Variants in ATRIP observed in about 807,000 individuals in gnomAD.
ATRIP encodes ATR-interacting protein.
Under a neutral mutation model 78.1 loss-of-function variants are expected in ATRIP, and 44 were observed. The ratio of observed to expected loss-of-function variants is 0.56; its 90% CI spans 0.44 to 0.72. ATRIP has a LOEUF of 0.72. Among genes scored for constraint, ATRIP ranks in the 30% least tolerant of loss-of-function variants. ATRIP has a pLI of 0.00. For missense variants in ATRIP, 927 were observed against 980.2 expected, an observed-to-expected ratio of 0.95 and a Z score of 0.72; for synonymous variants, 388 against 408.9, an observed-to-expected ratio of 0.95 and a Z score of 0.62.
chr3:48,466,309 G>C lies in ATRIP; in HGVS notation c.*755G>C, dbSNP rs1026759103. On this transcript the variant is annotated 3_prime_UTR_variant, in exon 13 of 13. Transcript: ENST00000320211. ...TACTGCCTGCCTGCCTGCCTGCTAC[G>C]GTGAGTGTGGCCCCCACAATGGGAT... 7.9e-6 allele frequency: 6 copies of C among 755,638 alleles called. No individual in the cohort carries two copies. Among genetic ancestry groups the C allele is most frequent in the Non-Finnish European group, 1.4e-5 (6 of 440,840 alleles). 46.8% of individuals were successfully genotyped at this position (755,638 alleles called of 1,614,324 possible). A position where few individuals can be genotyped will look rare whatever the true frequency, so the allele number is the denominator to read the frequency against.
At chr3:48,452,825 C>T (rs924246903) in intron 3 of ATRIP, among the ~76,000 whole-genome samples, 3 of 151,304 alleles carry the variant, frequency 2.0e-5, no homozygotes, top group Non-Finnish European at 2.9e-5. Context: ...AAAAAAATGA[C>T]AGCTCCCATT....
In ATRIP at chr3:48,464,095, T is replaced by C; in HGVS notation, c.1937T>C (p.Val646Ala). The stretch of plus-strand genomic sequence containing the variant: ...TACATCACATCACGGCCTGACAGAG[T>C]GGCCTTGGAGACACAATGGCTCCAG... ...YMYITSRPDR[V>A]ALETQWLQLE... Residue 646 changes from valine (V) to alanine (A), a missense_variant, in exon 10 of 13, where the codon GTG (valine) becomes GCG (alanine). Coordinates refer to ENST00000320211, the MANE Select transcript of ATRIP (RefSeq NM_130384.3). 6.2e-7 allele frequency: 1 copy of C among 1,613,762 alleles called. No individual in the cohort carries two copies. The highest frequency in any genetic ancestry group is 2.2e-5 in the East Asian group (1 of 44,882).
rs140029866 is a variant in ATRIP, at chr3:48,466,663, C to T, written c.*1109C>T. 1.4e-5 allele frequency: 22 copies of T among 1,613,922 alleles called. No homozygotes were observed. In the African/African-American group the frequency reaches 1.7e-4, roughly 13 times the overall value. ...GCAGGTACGTACCCAACCATGGGCT[C>T]GCAGGCCCTGCCCCCGGGGCCCATG... On this transcript the variant is annotated 3_prime_UTR_variant, in exon 13 of 13. Transcript: ENST00000320211.
At position 48,466,576 on chromosome 3, in the gene ATRIP, C is replaced by T. The variant is rs775503884; in HGVS notation, c.*1022C>T. 1.3e-5 allele frequency: 21 copies of T among 1,613,880 alleles called. No homozygotes were observed. The highest frequency in any genetic ancestry group is 1.7e-5 in the Non-Finnish European group (20 of 1,179,994). On this transcript the variant is annotated 3_prime_UTR_variant, in exon 13 of 13. Transcript: ENST00000320211. ...TGCCCACCCCCTACCCCACTCCCTC[C>T]CCTTCGGATCTTAACACTGGGCACT...
At position 48,447,080 on chromosome 3, in the gene ATRIP, C is replaced by A; in HGVS notation, c.235C>A (p.Arg79=). 1 of 1,558,260 alleles carries A rather than the reference C, an allele frequency of 6.4e-7. No homozygotes were observed. Among genetic ancestry groups the A allele is most frequent in the Non-Finnish European group, 8.7e-7 (1 of 1,155,238 alleles). Residue 79 remains arginine, a synonymous_variant, in exon 1 of 13, where the codon CGG becomes AGG. Transcript: ENST00000320211. ...CCTGAGCCAATGTCCGGCCGCGGCTCGGGACGTGTCCAGTGAGTGCTCCTC... is the reference window on the plus strand; with the variant it reads ...CCTGAGCCAATGTCCGGCCGCGGCTAGGGACGTGTCCAGTGAGTGCTCCTC... ...QALSQCPAAA[R]DVSSDHKVHR...
intron 8 of ATRIP, among the ~76,000 whole-genome samples, chr3:48,462,940 G>A (rs1433352687): frequency 2.6e-5 from 4 of 152,172 alleles, no homozygotes; most frequent in Non-Finnish European, 5.9e-5. Flanking sequence ...GCCCTAAAGT[G>A]AGTTCACCCC....
chr3:48,464,567 C>T lies in ATRIP; in HGVS notation c.1975-15C>T. On this transcript the variant is annotated splice_polypyrimidine_tract_variant and intron_variant, in intron 10 of 12. Coordinates refer to ENST00000320211, the MANE Select transcript of ATRIP (RefSeq NM_130384.3). ...TCCTTCTGCCCAGGATGGAACCAATCTGTTCTTGTTCTAGGTGGTGTGGCT... is the reference window on the plus strand; with the variant it reads ...TCCTTCTGCCCAGGATGGAACCAATTTGTTCTTGTTCTAGGTGGTGTGGCT... The T allele has an allele frequency of 6.2e-7, 1 of 1,613,906 alleles. No homozygotes were observed. Among genetic ancestry groups the T allele is most frequent in the Non-Finnish European group, 8.5e-7 (1 of 1,179,756 alleles).
At position 48,465,677 on chromosome 3, in the gene ATRIP, G is replaced by C; in HGVS notation, c.*123G>C. The C allele has an allele frequency of 1.9e-6, 2 of 1,037,704 alleles. No individual in the cohort carries two copies. Among genetic ancestry groups the C allele is most frequent in the Admixed American group, 4.2e-5 (2 of 47,250 alleles). The allele number at this position is 1,037,704 out of a possible 1,614,324, so 64.3% of individuals were successfully genotyped here. ...CTGGCTGGCCTTGTTTCCTGAGTCT[G>C]ATCTGTTTGGCGGAGTGGGAGGGGT... On this transcript the variant is annotated 3_prime_UTR_variant, in exon 13 of 13. Transcript: ENST00000320211.
chr3:48,451,744 G>C lies in ATRIP; in HGVS notation c.397G>C (p.Glu133Gln). 8 of 1,594,584 alleles carry C rather than the reference G, an allele frequency of 5.0e-6. No individual in the cohort carries two copies. The highest frequency in any genetic ancestry group is 6.8e-6 in the Non-Finnish European group (8 of 1,170,440). Residue 133 changes from glutamate to glutamine, a missense_variant, in exon 3 of 13, where the codon GAA becomes CAA. Coordinates refer to ENST00000320211, the MANE Select transcript of ATRIP (RefSeq NM_130384.3). ...ELKEKMKVMEEEVLIKNGEIK... is the reference protein window; with the variant it reads ...ELKEKMKVMEQEVLIKNGEIK... Reference sequence around the variant, plus strand: ...GGATTTACAGATGAAAGTAATGGAAGAAGAAGTTCTCATTAAGAATGGAGA... The same window carrying C: ...GGATTTACAGATGAAAGTAATGGAACAAGAAGTTCTCATTAAGAATGGAGA...
rs745434375 is a variant in ATRIP, at chr3:48,466,902, G to C, written c.*1348G>C. 6.2e-7 allele frequency: 1 copy of C among 1,611,908 alleles called. No homozygotes were observed. The highest frequency in any genetic ancestry group is 1.3e-5 in the African/African-American group (1 of 74,938). On this transcript the variant is annotated 3_prime_UTR_variant, in exon 13 of 13. Transcript: ENST00000320211. ...GAAGGCCTGCAGCCCTGCAGCCAGCGAGATCACAGGTCTGAGCACAGCTGT... is the reference window on the plus strand; with the variant it reads ...GAAGGCCTGCAGCCCTGCAGCCAGCCAGATCACAGGTCTGAGCACAGCTGT...
chr3:48,460,032 T>TGGCA (rs2040055640), intron 7 of ATRIP, 78 bp from the exon 8 acceptor site: 13 of 1,549,888 alleles, frequency 8.4e-6, no homozygotes, highest in Middle Eastern at 1.8e-4. Flanking sequence ...CTGGAGAATT[T>TGGCA]GGCAGGCAGG....
At chr3:48,461,171 A>C (rs1429519911) in intron 8 of ATRIP, among the ~76,000 whole-genome samples, 2 of 152,210 alleles carry the variant, frequency 1.3e-5, no homozygotes, top group Non-Finnish European at 2.9e-5. Flanking sequence ...TGGTTTCCCT[A>C]AGGAAGCAGA....
chr3:48,461,094 A>G (rs1293997775), intron 8 of ATRIP, among the ~76,000 whole-genome samples: 2 of 152,210 alleles, frequency 1.3e-5, no homozygotes, highest in Non-Finnish European at 2.9e-5. Flanking sequence ...GGGTTAAGAC[A>G]AGGGGCCTCT....
In ATRIP at chr3:48,460,257, A is replaced by G; in HGVS notation, c.1203A>G (p.Ala401=). The G allele has an allele frequency of 6.2e-7, 1 of 1,614,160 alleles. No homozygotes were observed. Reference sequence around the variant, plus strand: ...AGTGCTCACGTGATGGAGACCCAGCAGAGGGAGGCAGAAGGGCCTTCCCAC... The same window carrying G: ...AGTGCTCACGTGATGGAGACCCAGCGGAGGGAGGCAGAAGGGCCTTCCCAC... ...RNECSRDGDP[A]EGGRRAFPLC... Residue 401 remains alanine, a synonymous_variant, in exon 8 of 13, where the codon GCA becomes GCG. Transcript: ENST00000320211.
intron 4 of ATRIP, among the ~76,000 whole-genome samples, chr3:48,455,856 C>T (rs945658542): frequency 2.0e-5 from 3 of 151,930 alleles, no homozygotes; most frequent in African/African-American, 7.2e-5. Flanking sequence ...TGCAGTGGCT[C>T]ACACCTGTAA....
chr3:48,459,666 TG>T, intron 6 of ATRIP, 120 bp from the exon 7 acceptor site: 1 of 1,379,774 alleles, frequency 7.2e-7, no homozygotes, highest in Non-Finnish European at 9.9e-7. Flanking sequence ...GGCATCTTCC[TG>T]GGGCTTAGTG....
chr3:48,447,562 A>G (rs1347688935), intron 1 of ATRIP: 1 of 984,722 alleles, frequency 1.0e-6, no homozygotes, highest in East Asian at 1.1e-4. Context: ...TACAACCAGT[A>G]AACTGTGCTA....
At chr3:48,461,039 AG>A (rs2040093701) in intron 8 of ATRIP, among the ~76,000 whole-genome samples, 1 of 152,238 alleles carries the variant, frequency 6.6e-6, no homozygotes, top group African/African-American at 2.4e-5. Flanking sequence ...ACATGATTAA[AG>A]GAGGCTGCTA....
At chr3:48,460,002 C>G in intron 7 of ATRIP, 86 bp downstream of exon 7, 1 of 1,558,710 alleles carries the variant, frequency 6.4e-7, no homozygotes, top group East Asian at 2.2e-5. Flanking sequence ...CCTGAGAAGT[C>G]TGTGGGAAGG....
Sources: gnomAD v4.1 joint callset for allele counts (sites outside exome capture counted in the v4.1 genomes callset) on GRCh38, gnomAD v4.1.1 for gene constraint, MANE v1.5 for transcripts, NCBI Gene and HGNC (gene_info 2026-07-23, HGNC 2026-07-21) for gene names.